Variants in ERC2 observed in about 807,000 individuals in gnomAD.
ERC2 encodes the protein ELKS/RAB6-interacting/CAST family member 2.
A neutral mutation model predicts 114.8 loss-of-function variants in ERC2; 42 were observed. The ratio of observed to expected loss-of-function variants is 0.37; its 90% CI spans 0.29 to 0.47. ERC2 has a LOEUF of 0.47. Among genes scored for constraint, ERC2 ranks in the 20% least tolerant of loss-of-function variants. ERC2 has a pLI of 0.99. For missense variants in ERC2, 939 were observed against 1,150.7 expected, an observed-to-expected ratio of 0.82 and a Z score of 2.66; for synonymous variants, 454 against 425.5, an observed-to-expected ratio of 1.07 and a Z score of -0.82.
intron 13 of ERC2, among the ~76,000 whole-genome samples, chr3:55,905,418 T>C (rs1378272091): frequency 6.6e-6 from 1 of 151,224 alleles, no homozygotes; most frequent in Non-Finnish European, 1.5e-5. Flanking sequence ...CAGTTTGGAG[T>C]AGTGGTGGTG....
chr3:56,330,840 T>G (rs1197631158), intron 2 of ERC2, among the ~76,000 whole-genome samples: 1 of 152,196 alleles, frequency 6.6e-6, no homozygotes, highest in Admixed American at 6.5e-5. Context: ...GAGCCCTTAC[T>G]TTAGGCAGGC....
chr3:55,663,224 C>A (rs945683434), intron 17 of ERC2, among the ~76,000 whole-genome samples: 3 of 152,156 alleles, frequency 2.0e-5, no homozygotes, highest in Non-Finnish European at 4.4e-5. Flanking sequence ...CAAAAAAATT[C>A]CCCAAAAAAC....
chr3:55,555,856 GC>G (rs2055568038), intron 17 of ERC2, among the ~76,000 whole-genome samples: 1 of 152,144 alleles, frequency 6.6e-6, no homozygotes, highest in South Asian at 2.1e-4. Flanking sequence ...CGCGCTGCTC[GC>G]TCAGAAAACG....
intron 17 of ERC2, among the ~76,000 whole-genome samples, chr3:55,664,156 T>G (rs532239225): frequency 1.3e-5 from 2 of 152,132 alleles, no homozygotes; most frequent in Non-Finnish European, 2.9e-5. Context: ...TTTATTTTTT[T>G]CCCCCCTCTA....
chr3:56,204,981 C>A (rs1200719794), intron 3 of ERC2, among the ~76,000 whole-genome samples: 1 of 151,714 alleles, frequency 6.6e-6, no homozygotes, highest in Non-Finnish European at 1.5e-5. Flanking sequence ...TATAAAGCCA[C>A]ATGCTGGATT....
chr3:56,047,467 G>A lies in ERC2; in HGVS notation c.1642-28436C>T, dbSNP rs556263388. ...TCAAGGAGTCCTTCTAGAGGAAAAA[G>A]GCCAGAGTTCATAAGCCAGATACTT... is the stretch of plus-strand genomic sequence containing the variant. On this transcript the variant is annotated intron_variant, in intron 7 of 17. Coordinates refer to ENST00000288221, the MANE Select transcript of ERC2 (RefSeq NM_015576.3). 3.4e-4 allele frequency among the ~76,000 whole-genome samples: 52 copies of A among 152,336 alleles called. 1 individual carries two copies. In the South Asian group the frequency reaches 0.01, roughly 30 times the overall value.
chr3:56,193,784 A>G (rs561822531), intron 3 of ERC2, among the ~76,000 whole-genome samples: 1 of 152,298 alleles, frequency 6.6e-6, no homozygotes, highest in South Asian at 2.1e-4. Context: ...AAAGTCTTAG[A>G]ACCTTGTGAT....
intron 3 of ERC2, among the ~76,000 whole-genome samples, chr3:56,178,748 G>A (rs1259679879): frequency 6.6e-6 from 1 of 151,186 alleles, no homozygotes; most frequent in Non-Finnish European, 1.5e-5. Context: ...ATAGTTGTTT[G>A]TTTTTTTTTA....
intron 1 of ERC2, among the ~76,000 whole-genome samples, chr3:56,458,885 C>T (rs1292061958): frequency 1.3e-5 from 2 of 152,176 alleles, no homozygotes; most frequent in African/African-American, 4.8e-5. Context: ...TCGGAACCCG[C>T]CCCTTGAACC....
chr3:56,319,643 A>G (rs1386037594), intron 2 of ERC2, among the ~76,000 whole-genome samples: 6 of 152,180 alleles, frequency 3.9e-5, no homozygotes, highest in Non-Finnish European at 8.8e-5. Flanking sequence ...TCTTATCACA[A>G]TAAGAAAAAA....
chr3:55,763,081 G>T (rs2067555394), intron 14 of ERC2, among the ~76,000 whole-genome samples: 1 of 152,304 alleles, frequency 6.6e-6, no homozygotes, highest in Non-Finnish European at 1.5e-5. Context: ...CTTGAGGAAT[G>T]ACTTGGATTT....
intron 17 of ERC2, among the ~76,000 whole-genome samples, chr3:55,669,811 C>T (rs964431123): frequency 1.3e-5 from 2 of 152,212 alleles, no homozygotes; most frequent in Non-Finnish European, 2.9e-5. Context: ...TCCATTTGTT[C>T]CCTTGGCCGT....
At chr3:56,446,801 T>C (rs1251906062) in intron 1 of ERC2, among the ~76,000 whole-genome samples, 2 of 151,670 alleles carry the variant, frequency 1.3e-5, no homozygotes, top group African/African-American at 4.8e-5. Flanking sequence ...AATTTTTGTA[T>C]TTTGGGGTAG....
intron 16 of ERC2, among the ~76,000 whole-genome samples, chr3:55,693,228 AC>A (rs1228196957): frequency 6.6e-6 from 1 of 152,248 alleles, no homozygotes; most frequent in Non-Finnish European, 1.5e-5. Context: ...GAATGGACAG[AC>A]ACCTTAAAGT....
chr3:55,700,331 C>G (rs1338762511), intron 15 of ERC2, among the ~76,000 whole-genome samples: 1 of 152,178 alleles, frequency 6.6e-6, no homozygotes, highest in East Asian at 1.9e-4. Context: ...TTATCCAGCT[C>G]AGAAAGTCAG....
chr3:56,032,945 A>AAC lies in ERC2; in HGVS notation c.1642-13915_1642-13914insGT, dbSNP rs1332862822. 4.7e-3 allele frequency among the ~76,000 whole-genome samples: 422 copies of AAC among 90,060 alleles called. 3 individuals are homozygous for AAC. The highest frequency in any genetic ancestry group is 8.1e-3 in the South Asian group (19 of 2,336). 59.1% of individuals were successfully genotyped at this position (90,060 alleles called of 152,430 possible). A position where few individuals can be genotyped will look rare whatever the true frequency, so the allele number is the denominator to read the frequency against. On this transcript the variant is annotated intron_variant, in intron 7 of 17. Coordinates refer to ENST00000288221, the MANE Select transcript of ERC2 (RefSeq NM_015576.3). ...AAAGAAAGAAAGAAAGAAAGAAAGA[A>AAC]AGAAAGAAAGAAACAGAAAGAAAGA...
chr3:56,219,699 G>T (rs867418704), intron 3 of ERC2, among the ~76,000 whole-genome samples: 2 of 151,574 alleles, frequency 1.3e-5, no homozygotes, highest in African/African-American at 4.8e-5. Flanking sequence ...AAAGAAATGG[G>T]AAAGAGTGTT....
rs570609883 is a variant in ERC2, at chr3:55,808,686, T to C, written c.2565-73768A>G. 5.1e-3 allele frequency among the ~76,000 whole-genome samples: 637 copies of C among 124,196 alleles called. 6 individuals are homozygous for C. The highest frequency in any genetic ancestry group is 0.019 in the African/African-American group (603 of 32,556). The allele number at this position is 124,196 out of a possible 152,430, so 81.5% of individuals were successfully genotyped here. ...AAGGTCAAAAAACAAAATAATATAT[T>C]ATTATACCATAATTTTATATATATA... On this transcript the variant is annotated intron_variant, in intron 14 of 17. Coordinates refer to ENST00000288221, the MANE Select transcript of ERC2 (RefSeq NM_015576.3).
chr3:55,914,586 C>T (rs1010347521), intron 13 of ERC2, among the ~76,000 whole-genome samples: 1 of 152,148 alleles, frequency 6.6e-6, no homozygotes, highest in Non-Finnish European at 1.5e-5. Flanking sequence ...TCGTCCTCTC[C>T]TTAGATGCAA....
Sources: gnomAD v4.1 joint callset for allele counts (sites outside exome capture counted in the v4.1 genomes callset) on GRCh38, gnomAD v4.1.1 for gene constraint, MANE v1.5 for transcripts, NCBI Gene and HGNC (gene_info 2026-07-23, HGNC 2026-07-21) for gene names.